TMCO4: variants seen among roughly 807,000 people sequenced by gnomAD.
TMCO4 encodes the protein transmembrane and coiled-coil domains 4, also known as transmembrane and coiled-coil domain-containing protein 4.
Under a neutral mutation model 64.7 loss-of-function variants are expected in TMCO4, and 58 were observed. The ratio of observed to expected loss-of-function variants is 0.90; its 90% CI spans 0.73 to 1.12. The LOEUF (loss-of-function observed/expected upper bound fraction) is 1.12, where lower values mean the gene tolerates loss of function less well. Ranked by LOEUF, TMCO4 falls within the 50% of genes most tolerant of loss-of-function variation. The probability of loss-of-function intolerance (pLI) is 0.00; values close to 1 mark genes in which losing one functional copy is unlikely to be tolerated. For missense variants in TMCO4, 780 were observed against 825.9 expected (o/e 0.94, Z 0.68); for synonymous variants, 325 against 346.1 (o/e 0.94, Z 0.68).
At chr1:19,747,558 G>T (rs760647504) in intron 7 of TMCO4, among the ~76,000 whole-genome samples, 7 of 152,170 alleles carry the variant, frequency 4.6e-5, no homozygotes, top group African/African-American at 7.2e-5. Context: ...GCACAAAAAA[G>T]ATCTTTAAAC....
At chr1:19,755,061 G>A (rs149753945) in intron 7 of TMCO4, among the ~76,000 whole-genome samples, 2 of 152,194 alleles carry the variant, frequency 1.3e-5, no homozygotes, top group African/African-American at 4.8e-5. Context: ...GGAACAGGGT[G>A]TCAGGGCCCC....
At chr1:19,763,108 C>T (rs1331333066) in intron 6 of TMCO4, among the ~76,000 whole-genome samples, 1 of 151,532 alleles carries the variant, frequency 6.6e-6, no homozygotes, top group Admixed American at 6.6e-5. Flanking sequence ...TGGAGTTTCA[C>T]TCTGTCACCC....
chr1:19,691,936 G>A (rs1448365517), intron 15 of TMCO4, among the ~76,000 whole-genome samples: 2 of 152,124 alleles, frequency 1.3e-5, no homozygotes, highest in African/African-American at 4.8e-5. Context: ...CCTTTCACTT[G>A]GTTCTCTTCT....
chr1:19,746,942 A>C (rs1351780502), intron 8 of TMCO4, among the ~76,000 whole-genome samples: 1 of 151,038 alleles, frequency 6.6e-6, no homozygotes, highest in Non-Finnish European at 1.5e-5. Flanking sequence ...AAAAAAAAAA[A>C]AAACGTGGCT....
At chr1:19,754,289 T>G (rs1020494804) in intron 7 of TMCO4, among the ~76,000 whole-genome samples, 3 of 152,300 alleles carry the variant, frequency 2.0e-5, no homozygotes, top group South Asian at 2.1e-4. Context: ...GCATATAAGA[T>G]CCTATAAATT....
intron 13 of TMCO4, among the ~76,000 whole-genome samples, chr1:19,706,749 C>T (rs2095305133): frequency 6.6e-6 from 1 of 152,188 alleles, no homozygotes; most frequent in African/African-American, 2.4e-5. Context: ...AACTTATTGT[C>T]ATTCACATGT....
intron 6 of TMCO4, among the ~76,000 whole-genome samples, chr1:19,758,636 T>C (rs963573015): frequency 1.3e-5 from 2 of 152,132 alleles, no homozygotes; most frequent in African/African-American, 2.4e-5. Flanking sequence ...GTTCGTAGTT[T>C]AAGGCATGTT....
chr1:19,740,366 A>G (rs748194842), intron 11 of TMCO4, among the ~76,000 whole-genome samples: 1 of 152,196 alleles, frequency 6.6e-6, no homozygotes, highest in African/African-American at 2.4e-5. Context: ...TATCATTGAC[A>G]TGGGCTTGCC....
intron 3 of TMCO4, among the ~76,000 whole-genome samples, chr1:19,784,608 C>T (rs1000283305): frequency 9.2e-5 from 14 of 152,148 alleles, no homozygotes; most frequent in African/African-American, 3.4e-4. Flanking sequence ...CTCCTGATGC[C>T]CTACAATGCA....
At chr1:19,723,839 G>T (rs1352895237) in intron 13 of TMCO4, among the ~76,000 whole-genome samples, 3 of 152,222 alleles carry the variant, frequency 2.0e-5, no homozygotes, top group Non-Finnish European at 4.4e-5. Flanking sequence ...CGGGTCACCT[G>T]GTGACAATGC....
At chr1:19,695,555 C>G (rs916735223) in intron 14 of TMCO4, among the ~76,000 whole-genome samples, 15 of 152,192 alleles carry the variant, frequency 9.9e-5, no homozygotes, top group Admixed American at 2.6e-4. Context: ...AAGGGTCCTC[C>G]CTCACTGTAG....
At chr1:19,799,308 C>T (rs938738112) in intron 1 of TMCO4, 1 of 152,294 alleles carries the variant, frequency 6.6e-6, no homozygotes, top group African/African-American at 2.4e-5. Context: ...GGTTTTTCTC[C>T]AGAGGCTCCC....
intron 6 of TMCO4, among the ~76,000 whole-genome samples, chr1:19,764,545 G>A (rs371371433): frequency 2.0e-5 from 3 of 152,194 alleles, no homozygotes; most frequent in Admixed American, 6.5e-5. Flanking sequence ...GTTTGGATAC[G>A]GATTATAAAC....
At chr1:19,741,259 T>C (rs1231408550) in intron 10 of TMCO4, among the ~76,000 whole-genome samples, 1 of 152,194 alleles carries the variant, frequency 6.6e-6, no homozygotes, top group Non-Finnish European at 1.5e-5. Flanking sequence ...ATAGGGTAGG[T>C]ATAAGAATGA....
chr1:19,746,430 A>G (rs2041783720), intron 9 of TMCO4, 26 bp downstream of exon 9: 2 of 1,612,414 alleles, frequency 1.2e-6, no homozygotes, highest in Admixed American at 3.3e-5. Flanking sequence ...AATTCCTCTG[A>G]ACCCATCATT....
chr1:19,780,196 T>C (rs1372675510), intron 4 of TMCO4, among the ~76,000 whole-genome samples: 1 of 152,224 alleles, frequency 6.6e-6, no homozygotes. Context: ...GAGAATCTAA[T>C]GCTGCCACAA....
intron 13 of TMCO4, among the ~76,000 whole-genome samples, chr1:19,725,825 C>A (rs984318890): frequency 6.6e-6 from 1 of 152,190 alleles, no homozygotes; most frequent in African/African-American, 2.4e-5. Flanking sequence ...GCCGATCAAG[C>A]CCGATGGACA....
At chr1:19,756,669 A>C (rs377322950) in intron 6 of TMCO4, among the ~76,000 whole-genome samples, 1 of 152,176 alleles carries the variant, frequency 6.6e-6, no homozygotes, top group Admixed American at 6.5e-5. Flanking sequence ...AACTTTCAAA[A>C]ATAAGTTCTT....
At position 19,683,356 on chromosome 1, in the gene TMCO4, C is replaced by A; in HGVS notation, c.1589G>T (p.Gly530Val). ...IRTKPGWDEK[G>V]LLLAPGCLPS... is the part of the protein sequence containing the mutation. ...CAGGCAGCCTGGGGCCAGCAAGAGC[C>A]CCTTCTCGTCCCAGCCTGGCTTGGT... is the stretch of plus-strand genomic sequence containing the variant. The change falls in exon 16 of 16, where the codon GGG (glycine) becomes GTG (valine). Residue 530 changes from glycine (G) to valine (V), a missense_variant. Physicochemically the swap from Gly to Val is moderately radical, Grantham distance 109 (BLOSUM62 -3). Coordinates refer to ENST00000294543, the MANE Select transcript of TMCO4 (RefSeq NM_181719.7). The A allele has an allele frequency of 6.2e-7, 1 of 1,613,968 alleles. No individual in the cohort carries two copies. Among genetic ancestry groups the A allele is most frequent in the African/African-American group, 1.3e-5 (1 of 75,076 alleles).
Sources: gnomAD v4.1 joint callset for allele counts (sites outside exome capture counted in the v4.1 genomes callset) on GRCh38, gnomAD v4.1.1 for gene constraint, MANE v1.5 for transcripts, NCBI Gene and HGNC (gene_info 2026-07-23, HGNC 2026-07-21) for gene names.